ATXN1: variants seen among roughly 807,000 people sequenced by gnomAD.
ATXN1 encodes the protein ataxin-1.
ATXN1 carries 8 observed loss-of-function variants against 56.4 expected under a neutral mutation model. The observed-to-expected ratio is 0.14, with a 90% CI of 0.08 to 0.26. ATXN1 has a LOEUF of 0.26. ATXN1 is among the 10% of genes least tolerant of loss of function. The pLI is 1.00. For missense variants in ATXN1, 987 were observed against 1,106.5 expected, an observed-to-expected ratio of 0.89 and a Z score of 1.53; for synonymous variants, 514 against 494.6, an observed-to-expected ratio of 1.04 and a Z score of -0.52.
At chr6:16,730,160 G>T (rs891972676) in intron 2 of ATXN1, among the ~76,000 whole-genome samples, 2 of 152,142 alleles carry the variant, frequency 1.3e-5, no homozygotes, top group Admixed American at 1.3e-4. Flanking sequence ...GTGCACGCCT[G>T]TACAGCTACT....
chr6:16,719,943 G>A (rs893954484), intron 2 of ATXN1, among the ~76,000 whole-genome samples: 11 of 152,162 alleles, frequency 7.2e-5, no homozygotes, highest in African/African-American at 9.7e-5. Flanking sequence ...CCAGAACTTT[G>A]AGAGAACAAA....
intron 3 of ATXN1, among the ~76,000 whole-genome samples, chr6:16,618,383 C>A (rs185086101): frequency 6.6e-6 from 1 of 152,156 alleles, no homozygotes; most frequent in East Asian, 1.9e-4. Context: ...ACCTATGTAA[C>A]AAACCTGCAA....
chr6:16,599,401 T>C (rs544194938), intron 3 of ATXN1, among the ~76,000 whole-genome samples: 8 of 152,002 alleles, frequency 5.3e-5, no homozygotes, highest in Non-Finnish European at 1.0e-4. Context: ...CCTTCTATCA[T>C]TGTTATTCAT....
At chr6:16,337,143 C>G (rs56244538) in intron 6 of ATXN1, among the ~76,000 whole-genome samples, 8,031 of 152,214 alleles carry the variant, frequency 0.053, 570 homozygotes, top group African/African-American at 0.16. Flanking sequence ...TCCCTTATCC[C>G]TAAGTGGGGC....
At chr6:16,409,224 C>T (rs1764718923) in intron 6 of ATXN1, among the ~76,000 whole-genome samples, 1 of 151,916 alleles carries the variant, frequency 6.6e-6, no homozygotes, top group South Asian at 2.1e-4. Flanking sequence ...TATACATCAG[C>T]AGGAGATGGT....
At chr6:16,325,557 C>T (rs1173919776) in intron 7 of ATXN1, among the ~76,000 whole-genome samples, 2 of 152,108 alleles carry the variant, frequency 1.3e-5, no homozygotes, top group Admixed American at 6.5e-5. Flanking sequence ...ACAATAAAGG[C>T]TGTTGTTTGC....
intron 6 of ATXN1, among the ~76,000 whole-genome samples, chr6:16,480,993 C>A (rs1364255414): frequency 6.6e-6 from 1 of 152,086 alleles, no homozygotes; most frequent in Non-Finnish European, 1.5e-5. Context: ...AATAACACAC[C>A]AGGGGCAATG....
intron 4 of ATXN1, among the ~76,000 whole-genome samples, chr6:16,550,781 G>T (rs1007827487): frequency 3.3e-5 from 5 of 152,150 alleles, no homozygotes; most frequent in African/African-American, 1.2e-4. Context: ...TATCAAAAAG[G>T]ATTAAGTTTT....
rs1262303439 is a variant in ATXN1 at position 16,753,218 on chromosome 6, T to C, written c.-615+15A>G. On this transcript the variant is annotated intron_variant, in intron 2 of 7. Transcript: ENST00000436367. ...ATCCTCAGATGGAAAACAGAGAGCA[T>C]CGCAAAACTCTCACCTGACATGTGA... 5 of 456,382 alleles carry C rather than the reference T, an allele frequency of 1.1e-5. No homozygotes were observed. The highest frequency in any genetic ancestry group is 2.2e-5 in the Non-Finnish European group (5 of 226,958). The allele number at this position is 456,382 out of a possible 1,614,324, so 28.3% of individuals were successfully genotyped here. A position where few individuals can be genotyped will look rare whatever the true frequency, so the allele number is the denominator to read the frequency against.
chr6:16,606,875 G>GTGTGTGTGTGTGTGTGTGTGTGTGTA (rs1763018839), intron 3 of ATXN1, among the ~76,000 whole-genome samples: 1 of 149,914 alleles, frequency 6.7e-6, no homozygotes, highest in African/African-American at 2.4e-5. Flanking sequence ...AGTTGTGTGT[G>GTGTGTGTGTGTGTGTGTGTGTGTGTA]TGTGTGTGTG....
intron 3 of ATXN1, among the ~76,000 whole-genome samples, chr6:16,645,907 G>A (rs1028948615): frequency 2.0e-5 from 3 of 152,184 alleles, no homozygotes; most frequent in Admixed American, 6.5e-5. Context: ...CTCCTCTGGG[G>A]AGCCCAGGAT....
chr6:16,496,942 G>A (rs2113669356), intron 5 of ATXN1, among the ~76,000 whole-genome samples: 1 of 152,096 alleles, frequency 6.6e-6, no homozygotes, highest in Admixed American at 6.5e-5. Flanking sequence ...CTAGTATCAT[G>A]GCTCAGGGGA....
At chr6:16,730,934 T>C (rs1459439061) in intron 2 of ATXN1, among the ~76,000 whole-genome samples, 1 of 152,214 alleles carries the variant, frequency 6.6e-6, no homozygotes, top group Non-Finnish European at 1.5e-5. Context: ...GATTGGTGTT[T>C]TCAAAATTCC....
At chr6:16,756,503 TAAG>T (rs2113544114) in intron 1 of ATXN1, among the ~76,000 whole-genome samples, 1 of 152,292 alleles carries the variant, frequency 6.6e-6, no homozygotes, top group Non-Finnish European at 1.5e-5. Context: ...TTTATCAAAA[TAAG>T]GAGGGCCTGC....
chr6:16,358,600 G>T (rs894418410), intron 6 of ATXN1, among the ~76,000 whole-genome samples: 1 of 152,226 alleles, frequency 6.6e-6, no homozygotes, highest in African/African-American at 2.4e-5. Flanking sequence ...CATCAAGCTG[G>T]CTGCGCGGCT....
Position 16,589,336 on chromosome 6 carries a change from C to T in ATXN1, c.-488-3429G>A, listed in dbSNP as rs971504301. On this transcript the variant is annotated intron_variant, in intron 3 of 7. Coordinates refer to ENST00000436367, the MANE Select transcript of ATXN1 (RefSeq NM_001128164.2). Reference sequence around the variant, plus strand: ...CCCTCATCATAGTACCCCAGAGTTTCGTACAGCAGCGTGGCACATAAATTA... The same window carrying T: ...CCCTCATCATAGTACCCCAGAGTTTTGTACAGCAGCGTGGCACATAAATTA... 4.6e-5 allele frequency among the ~76,000 whole-genome samples: 7 copies of T among 151,902 alleles called. No individual in the cohort carries two copies. In the East Asian group the frequency reaches 7.7e-4, roughly 17 times the overall value.
intron 4 of ATXN1, among the ~76,000 whole-genome samples, chr6:16,534,644 C>T (rs1408881699): frequency 6.6e-6 from 1 of 152,182 alleles, no homozygotes; most frequent in Non-Finnish European, 1.5e-5. Flanking sequence ...GGCTCCACTA[C>T]ACCACTGGTC....
At chr6:16,332,649 T>C (rs1474640040) in intron 6 of ATXN1, among the ~76,000 whole-genome samples, 2 of 152,196 alleles carry the variant, frequency 1.3e-5, no homozygotes, top group Non-Finnish European at 2.9e-5. Flanking sequence ...AACATTCCTA[T>C]TGGAAAAGGG....
At chr6:16,703,261 C>G (rs1422045745) in intron 2 of ATXN1, among the ~76,000 whole-genome samples, 2 of 152,026 alleles carry the variant, frequency 1.3e-5, no homozygotes, top group Non-Finnish European at 2.9e-5. Flanking sequence ...TGTTCTCACT[C>G]ATAGGTGGGA....
Sources: allele counts gnomAD v4.1 joint callset (sites outside exome capture counted in the v4.1 genomes callset), GRCh38; gene constraint gnomAD v4.1.1; transcripts MANE v1.5; gene names NCBI Gene and HGNC (gene_info 2026-07-23, HGNC 2026-07-21).